The following BACH2 variants were observed in gnomAD, a reference collection of about 807,000 sequenced individuals.
The protein encoded by BACH2 is BACH transcriptional regulator 2.
Under a neutral mutation model 61.8 loss-of-function variants are expected in BACH2, and 5 were observed. The observed-to-expected ratio is 0.08, with a 90% CI of 0.04 to 0.17. BACH2 has a LOEUF of 0.17. Ranked by LOEUF, BACH2 falls within the 10% of genes least tolerant of loss-of-function variation. The pLI is 1.00. For synonymous variants in BACH2, 446 were observed against 440.1 expected (o/e 1.01, Z -0.17); for missense variants, 824 against 1,091.1 (o/e 0.76, Z 3.45).
At chr6:90,213,156 G>C (rs888114048) in intron 3 of BACH2, among the ~76,000 whole-genome samples, 1 of 152,168 alleles carries the variant, frequency 6.6e-6, no homozygotes, top group Non-Finnish European at 1.5e-5. Flanking sequence ...AGAATGAGAT[G>C]AGTGAAAGGT....
intron 5 of BACH2, among the ~76,000 whole-genome samples, chr6:90,016,992 C>T (rs537038294): frequency 6.6e-6 from 1 of 152,002 alleles, no homozygotes; most frequent in African/African-American, 2.4e-5. Context: ...TTATGATGTG[C>T]CTTTGTGTAG....
chr6:90,033,099 T>C (rs1162357812), intron 5 of BACH2, among the ~76,000 whole-genome samples: 4 of 129,696 alleles, frequency 3.1e-5, no homozygotes, highest in Middle Eastern at 3.5e-3. Flanking sequence ...CAGCAAACTA[T>C]CGCAAGGACA....
chr6:89,989,707 C>T (rs1443039899), intron 6 of BACH2, among the ~76,000 whole-genome samples: 1 of 152,202 alleles, frequency 6.6e-6, no homozygotes, highest in East Asian at 1.9e-4. Flanking sequence ...TCCATAGAAC[C>T]TCAGCAATTC....
chr6:90,139,129 T>A (rs761841298), intron 4 of BACH2, among the ~76,000 whole-genome samples: 8 of 152,238 alleles, frequency 5.3e-5, no homozygotes, highest in Non-Finnish European at 1.0e-4. Context: ...AAGGCCTTTA[T>A]GAATCCATCA....
chr6:90,009,687 G>C (rs1191463224), intron 5 of BACH2, among the ~76,000 whole-genome samples: 1 of 151,964 alleles, frequency 6.6e-6, no homozygotes, highest in African/African-American at 2.4e-5. Context: ...TTTTGAGAGG[G>C]AGTTTTGTTC....
At chr6:90,202,711 G>T (rs1280794817) in intron 4 of BACH2, among the ~76,000 whole-genome samples, 1 of 152,154 alleles carries the variant, frequency 6.6e-6, no homozygotes, top group Non-Finnish European at 1.5e-5. Context: ...GCACAGAACA[G>T]CATGTGACAT....
intron 3 of BACH2, among the ~76,000 whole-genome samples, chr6:90,222,484 CAAGTG>C (rs1325584585): frequency 6.6e-6 from 1 of 152,138 alleles, no homozygotes; most frequent in Non-Finnish European, 1.5e-5. Context: ...TGTGAGGGAT[CAAGTG>C]AAGGACTCAC....
At chr6:90,185,868 A>G (rs1200646865) in intron 4 of BACH2, among the ~76,000 whole-genome samples, 1 of 152,232 alleles carries the variant, frequency 6.6e-6, no homozygotes, top group Non-Finnish European at 1.5e-5. Context: ...TAGACAGAAT[A>G]TAATTTTTAT....
intron 5 of BACH2, among the ~76,000 whole-genome samples, chr6:90,050,187 C>A (rs1487226587): frequency 6.6e-6 from 1 of 152,098 alleles, no homozygotes; most frequent in Non-Finnish European, 1.5e-5. Context: ...ATAGTGTCAT[C>A]ATTTTGAAGA....
In BACH2 at chr6:89,997,384, A is replaced by C. The variant is rs1297120773; in HGVS notation, c.243+11218T>G. ...TTCAGTTATCTTCCCTGATTTCCCA[A>C]ACTATGAAGTTCTTACCCTGAATCT... is the stretch of plus-strand genomic sequence containing the variant. On this transcript the variant is annotated intron_variant, in intron 6 of 8. Coordinates refer to ENST00000257749, the MANE Select transcript of BACH2 (RefSeq NM_021813.4). Among the ~76,000 whole-genome samples the C allele has an allele frequency of 2.6e-5, 4 of 152,186 alleles. No homozygotes were observed. The South Asian group carries it at 8.3e-4, about 32-fold the overall frequency.
intron 6 of BACH2, among the ~76,000 whole-genome samples, chr6:89,994,387 T>C (rs2127775991): frequency 6.6e-6 from 1 of 152,322 alleles, no homozygotes; most frequent in Non-Finnish European, 1.5e-5. Flanking sequence ...AAGGCATCTG[T>C]AGGTTTCAAT....
In BACH2 at chr6:90,282,560, G is replaced by A. The variant is rs559615583; in HGVS notation, c.-445-10619C>T. Among the ~76,000 whole-genome samples the A allele has an allele frequency of 1.1e-4, 16 of 152,116 alleles. No homozygotes were observed. In the South Asian group the frequency reaches 3.3e-3, roughly 32 times the overall value. On this transcript the variant is annotated intron_variant, in intron 1 of 8. Coordinates refer to ENST00000257749, the MANE Select transcript of BACH2 (RefSeq NM_021813.4). ...TCTTTATCCAGTCTATCACTGATGG[G>A]CATTTAGGTTGATTACATGTCTTTG...
chr6:90,093,140 A>AT (rs780095119), intron 4 of BACH2, among the ~76,000 whole-genome samples: 22 of 152,206 alleles, frequency 1.4e-4, no homozygotes, highest in Non-Finnish European at 3.1e-4. Flanking sequence ...GCAGGTCTTT[A>AT]TTAACTGGTA....
chr6:90,151,367 C>G lies in BACH2; in HGVS notation c.-162+55202G>C, dbSNP rs150107584. ...TGGTACAATCACACCTTACTGTAGC[C>G]TCGACCTCCCAGGCTCAACTGACCC... On this transcript the variant is annotated intron_variant, in intron 4 of 8. Transcript: ENST00000257749. 8.9e-3 allele frequency among the ~76,000 whole-genome samples: 1,349 copies of G among 152,244 alleles called. 23 individuals are homozygous for G. The highest frequency in any genetic ancestry group is 0.03 in the African/African-American group (1,253 of 41,532).
intron 5 of BACH2, among the ~76,000 whole-genome samples, chr6:90,031,051 T>C (rs1778951498): frequency 6.9e-6 from 1 of 145,438 alleles, no homozygotes; most frequent in African/African-American, 2.7e-5. Context: ...TGGTTCAACA[T>C]ACGCAAATCA....
intron 6 of BACH2, among the ~76,000 whole-genome samples, chr6:89,963,620 T>C (rs181896911): frequency 6.6e-6 from 1 of 152,266 alleles, no homozygotes; most frequent in East Asian, 1.9e-4. Context: ...GATTGCAAAA[T>C]AGTGCAGCTG....
At chr6:90,211,133 A>C (rs2127851482) in intron 3 of BACH2, among the ~76,000 whole-genome samples, 1 of 150,730 alleles carries the variant, frequency 6.6e-6, no homozygotes, top group Non-Finnish European at 1.5e-5. Flanking sequence ...TCTCAAAAAA[A>C]AAAAAAAAAA....
intron 4 of BACH2, among the ~76,000 whole-genome samples, chr6:90,163,947 C>A (rs1767503777): frequency 6.6e-6 from 1 of 151,958 alleles, no homozygotes; most frequent in Admixed American, 6.6e-5. Context: ...ACTGTGATGC[C>A]CACAAGAGAA....
intron 2 of BACH2, among the ~76,000 whole-genome samples, chr6:90,264,423 T>G (rs1242003826): frequency 6.6e-6 from 1 of 152,192 alleles, no homozygotes; most frequent in Admixed American, 6.5e-5. Context: ...TTGGCAAATA[T>G]AAACAAAGGG....
Sources: gnomAD v4.1 joint callset for allele counts (sites outside exome capture counted in the v4.1 genomes callset) on GRCh38, gnomAD v4.1.1 for gene constraint, MANE v1.5 for transcripts, NCBI Gene and HGNC (gene_info 2026-07-23, HGNC 2026-07-21) for gene names.